Variants in CORO1C observed in about 807,000 individuals in gnomAD.
CORO1C encodes coronin-1C.
In CORO1C, 14 loss-of-function variants were observed where a neutral mutation model predicts 51.2. That is an observed-to-expected ratio of 0.27 (90% CI 0.18 to 0.43). The LOEUF (loss-of-function observed/expected upper bound fraction) is 0.43, where lower values mean the gene tolerates loss of function less well. CORO1C is among the 20% of genes least tolerant of loss of function. The pLI is 1.00. For missense variants in CORO1C, 417 were observed against 607.8 expected, an observed-to-expected ratio of 0.69 and a Z score of 3.30; for synonymous variants, 181 against 210.5, an observed-to-expected ratio of 0.86 and a Z score of 1.21.
At chr12:108,706,520 T>C (rs1049407064) in intron 1 of CORO1C, among the ~76,000 whole-genome samples, 3 of 152,170 alleles carry the variant, frequency 2.0e-5, no homozygotes, top group African/African-American at 7.2e-5. Flanking sequence ...TGATCTTATA[T>C]ACAGAAAATC....
At chr12:108,691,611 C>T (rs1342122773) in intron 2 of CORO1C, among the ~76,000 whole-genome samples, 2 of 152,204 alleles carry the variant, frequency 1.3e-5, no homozygotes, top group Non-Finnish European at 2.9e-5. Context: ...CCACACACTC[C>T]CAGATCCCAC....
intron 2 of CORO1C, among the ~76,000 whole-genome samples, chr12:108,696,856 T>C (rs535703871): frequency 6.6e-6 from 1 of 152,352 alleles, no homozygotes; most frequent in African/African-American, 2.4e-5. Context: ...GAGGACTTTC[T>C]ATATTCCTCC....
At chr12:108,722,387 G>C (rs1485204801) in intron 1 of CORO1C, among the ~76,000 whole-genome samples, 1 of 152,136 alleles carries the variant, frequency 6.6e-6, no homozygotes, top group East Asian at 1.9e-4. Context: ...GAAGAACAAG[G>C]AGGGCCAGCA....
intron 1 of CORO1C, among the ~76,000 whole-genome samples, chr12:108,718,893 T>C (rs1254388850): frequency 1.3e-5 from 2 of 152,088 alleles, no homozygotes; most frequent in East Asian, 1.9e-4. Flanking sequence ...TAGAAGAAGG[T>C]CTCAGGCTCT....
At chr12:108,700,205 G>A (rs1368469206) in intron 2 of CORO1C, among the ~76,000 whole-genome samples, 1 of 152,062 alleles carries the variant, frequency 6.6e-6, no homozygotes, top group African/African-American at 2.4e-5. Context: ...GCTGTCATAC[G>A]ACCCAACATC....
intron 1 of CORO1C, among the ~76,000 whole-genome samples, chr12:108,707,234 G>GA (rs1175172769): frequency 2.0e-5 from 3 of 152,138 alleles, no homozygotes; most frequent in Admixed American, 6.5e-5. Flanking sequence ...ACCCTGGGGA[G>GA]AAAAAAGAGA....
chr12:108,654,214 CAG>C, intron 7 of CORO1C, 90 bp downstream of exon 7: 1 of 828,286 alleles, frequency 1.2e-6, no homozygotes, highest in Non-Finnish European at 2.0e-6. Flanking sequence ...AAAAATTAAA[CAG>C]ATACAACACA....
rs114390574 is a variant in CORO1C at position 108,717,066 on chromosome 12, G to A, written c.-6+14363C>T. On this transcript the variant is annotated intron_variant, in intron 1 of 10. Transcript: ENST00000261401. Reference sequence around the variant, plus strand: ...ATGCCGCTGTGGCAAGTGCTGGAATGCAGAAGAACACAAGGTAACTGAGTC... The same window carrying A: ...ATGCCGCTGTGGCAAGTGCTGGAATACAGAAGAACACAAGGTAACTGAGTC... Among the ~76,000 whole-genome samples the A allele has an allele frequency of 5.6e-3, 855 of 152,342 alleles. 7 individuals are homozygous for A. Among genetic ancestry groups the A allele is most frequent in the African/African-American group, 0.019 (803 of 41,568 alleles).
chr12:108,663,379 G>A (rs2033350002), intron 3 of CORO1C, among the ~76,000 whole-genome samples: 1 of 152,168 alleles, frequency 6.6e-6, no homozygotes, highest in African/African-American at 2.4e-5. Context: ...ACTTGTACAA[G>A]AATGTTCATA....
chr12:108,728,398 T>C (rs1401463527), intron 1 of CORO1C, among the ~76,000 whole-genome samples: 1 of 151,290 alleles, frequency 6.6e-6, no homozygotes, highest in Non-Finnish European at 1.5e-5. Flanking sequence ...CTTGAAAATA[T>C]GCTAAATAAG....
intron 1 of CORO1C, among the ~76,000 whole-genome samples, chr12:108,725,091 C>G (rs1460691227): frequency 6.6e-6 from 1 of 152,162 alleles, no homozygotes; most frequent in Non-Finnish European, 1.5e-5. Flanking sequence ...ACTGAATACA[C>G]AGACCTGAAT....
chr12:108,710,483 T>A (rs983834085), intron 1 of CORO1C, among the ~76,000 whole-genome samples: 2 of 152,210 alleles, frequency 1.3e-5, no homozygotes, highest in Admixed American at 1.3e-4. Context: ...CCTCTTTTTA[T>A]CTTCAAATAA....
intron 2 of CORO1C, among the ~76,000 whole-genome samples, chr12:108,695,057 G>A (rs528818233): frequency 2.6e-4 from 39 of 152,308 alleles, no homozygotes; most frequent in African/African-American, 8.7e-4. Context: ...CTCTGGCCCA[G>A]GGTTTTTCAC....
intron 6 of CORO1C, among the ~76,000 whole-genome samples, chr12:108,657,057 TA>T (rs139589616): frequency 5.3e-5 from 8 of 151,544 alleles, no homozygotes; most frequent in Non-Finnish European, 1.2e-4. Flanking sequence ...AAATTAAAAT[TA>T]AAAAAAATTA....
chr12:108,656,659 T>C (rs896315017), intron 6 of CORO1C, among the ~76,000 whole-genome samples: 13 of 152,234 alleles, frequency 8.5e-5, no homozygotes, highest in African/African-American at 2.9e-4. Flanking sequence ...GCTGTGTCTG[T>C]GTAGAAGGAA....
intron 2 of CORO1C, among the ~76,000 whole-genome samples, chr12:108,687,122 A>G (rs2034321499): frequency 6.6e-6 from 1 of 152,228 alleles, no homozygotes; most frequent in Non-Finnish European, 1.5e-5. Context: ...AAACCCACAG[A>G]GTTAGGCAAC....
intron 1 of CORO1C, among the ~76,000 whole-genome samples, chr12:108,716,127 C>CAAA (rs61278729): frequency 0.02 from 830 of 41,158 alleles, 73 homozygotes; most frequent in Middle Eastern, 0.029. Flanking sequence ...GACTCTGTCG[C>CAAA]AAAAAAAAAA....
chr12:108,693,118 TC>T (rs2034555689), intron 2 of CORO1C, among the ~76,000 whole-genome samples: 1 of 150,134 alleles, frequency 6.7e-6, no homozygotes, highest in Admixed American at 6.7e-5. Context: ...TTCTATATCC[TC>T]CCCCCTAAAG....
At chr12:108,714,955 G>T (rs2035286314) in intron 1 of CORO1C, among the ~76,000 whole-genome samples, 1 of 152,140 alleles carries the variant, frequency 6.6e-6, no homozygotes. Context: ...AGAAAGCAGT[G>T]AGCGCATTGC....
Sources: allele counts gnomAD v4.1 joint callset (sites outside exome capture counted in the v4.1 genomes callset), GRCh38; gene constraint gnomAD v4.1.1; transcripts MANE v1.5; gene names NCBI Gene and HGNC (gene_info 2026-07-23, HGNC 2026-07-21).